The following CPLX4 variants were observed in gnomAD, a reference collection of about 807,000 sequenced individuals.
The protein encoded by CPLX4 is complexin 4, also known as complexin-4.
A neutral mutation model predicts 16.1 loss-of-function variants in CPLX4; 17 were observed. The observed-to-expected ratio is 1.06, with a 90% CI of 0.72 to 1.59. The LOEUF is 1.59. Among genes scored for constraint, CPLX4 ranks in the 40% most tolerant of loss-of-function variants. CPLX4 has a pLI of 0.00. For missense variants in CPLX4, 193 were observed against 192.9 expected, an observed-to-expected ratio of 1.00 and a Z score of 0.00; for synonymous variants, 55 against 57.8, an observed-to-expected ratio of 0.95 and a Z score of 0.22.
rs192953888 is a variant in CPLX4, at chr18:59,303,454, G to A, written c.256-6529C>T. Among the ~76,000 whole-genome samples, 242 of 152,272 alleles carry A rather than the reference G, an allele frequency of 1.6e-3. 1 individual carries two copies. Among genetic ancestry groups the A allele is most frequent in the Admixed American group, 2.6e-3 (39 of 15,288 alleles). ...CCTCTCACTTACAGAGGAGGAAAGT[G>A]AGGTCTCGAGAGGTAAAGATTCTTG... On this transcript the variant is annotated intron_variant, in intron 2 of 2. Transcript: ENST00000299721.
chr18:59,314,672 C>T (rs571812570), intron 1 of CPLX4, among the ~76,000 whole-genome samples: 7 of 152,158 alleles, frequency 4.6e-5, no homozygotes, highest in African/African-American at 7.2e-5. Flanking sequence ...AAGGCCTACC[C>T]CCTAGCCCTA....
chr18:59,296,667 G>T lies in CPLX4; in HGVS notation c.*31C>A. The T allele has an allele frequency of 6.2e-7, 1 of 1,605,924 alleles. No homozygotes were observed. Among genetic ancestry groups the T allele is most frequent in the South Asian group, 1.1e-5 (1 of 90,170 alleles). On this transcript the variant is annotated 3_prime_UTR_variant, in exon 3 of 3. Coordinates refer to ENST00000299721, the MANE Select transcript of CPLX4 (RefSeq NM_181654.4). The stretch of plus-strand genomic sequence containing the variant: ...AAGAGAGTGGTCTTTTCCAAGGATG[G>T]CTGGTTCCCTCCCTCCACCCCTCCC...
At chr18:59,315,683 T>A (rs2070646682) in intron 1 of CPLX4, among the ~76,000 whole-genome samples, 1 of 152,196 alleles carries the variant, frequency 6.6e-6, no homozygotes, top group Non-Finnish European at 1.5e-5. Flanking sequence ...TATGTTTACG[T>A]GTATGATGCA....
At chr18:59,313,154 ATC>A (rs1330546278) in intron 1 of CPLX4, among the ~76,000 whole-genome samples, 1 of 152,136 alleles carries the variant, frequency 6.6e-6, no homozygotes, top group Non-Finnish European at 1.5e-5. Flanking sequence ...CTGCATCAGA[ATC>A]TCTGGGTGCA....
At chr18:59,307,393 G>C (rs562206256) in intron 2 of CPLX4, among the ~76,000 whole-genome samples, 4 of 152,352 alleles carry the variant, frequency 2.6e-5, no homozygotes, top group African/African-American at 9.6e-5. Context: ...AAAGAACTTA[G>C]AAGGTTGGAG....
intron 2 of CPLX4, among the ~76,000 whole-genome samples, chr18:59,306,616 A>G (rs1367922742): frequency 1.3e-5 from 2 of 152,252 alleles, no homozygotes; most frequent in Non-Finnish European, 2.9e-5. Context: ...CCTGTCAGCA[A>G]TAGAGTGAAA....
intron 2 of CPLX4, among the ~76,000 whole-genome samples, chr18:59,298,848 C>T (rs1177126447): frequency 1.3e-5 from 2 of 152,228 alleles, no homozygotes; most frequent in African/African-American, 4.8e-5. Context: ...AGCTGCCTTT[C>T]CTCAGGGCTC....
intron 2 of CPLX4, among the ~76,000 whole-genome samples, chr18:59,300,498 T>C (rs541872646): frequency 6.6e-6 from 1 of 152,168 alleles, no homozygotes; most frequent in Non-Finnish European, 1.5e-5. Context: ...TATAATTCCA[T>C]TGGGGCATCG....
intron 2 of CPLX4, among the ~76,000 whole-genome samples, chr18:59,302,255 G>A (rs2070546836): frequency 6.6e-6 from 1 of 152,180 alleles, no homozygotes; most frequent in South Asian, 2.1e-4. Flanking sequence ...CTTGGGTTGG[G>A]GAGACCAGGA....
intron 2 of CPLX4, among the ~76,000 whole-genome samples, chr18:59,305,875 A>G (rs995855391): frequency 6.6e-6 from 1 of 152,238 alleles, no homozygotes; most frequent in African/African-American, 2.4e-5. Flanking sequence ...ATTTGCAGGC[A>G]GACAGAGAAA....
chr18:59,296,597 A>G lies in CPLX4; in HGVS notation c.*101T>C. 4 of 1,295,566 alleles carry G rather than the reference A, an allele frequency of 3.1e-6. No individual in the cohort carries two copies. Among genetic ancestry groups the G allele is most frequent in the Non-Finnish European group, 3.2e-6 (3 of 930,636 alleles). The allele number at this position is 1,295,566 out of a possible 1,614,324, so 80.3% of individuals were successfully genotyped here. On this transcript the variant is annotated 3_prime_UTR_variant, in exon 3 of 3. Coordinates refer to ENST00000299721, the MANE Select transcript of CPLX4 (RefSeq NM_181654.4). ...TCAATGGATCATCGTGGTTTTCCTA[A>G]CTGTGTTCACTACATTAAAACATGT...
At position 59,318,412 on chromosome 18, in the gene CPLX4, T is replaced by A. The variant is rs201557736; in HGVS notation, c.51A>T (p.Gly17=). The change falls in exon 1 of 3, where the codon GGA becomes GGT. Residue 17 remains glycine, a synonymous_variant. Transcript: ENST00000299721. The part of the protein sequence containing the change: ...SMISNQVKNL[G]FGGGSEENKE... ...TATTTTCTTCAGACCCACCACCAAA[T>A]CCTAAATTCTTTACCTGGTTACTTA... 4.2e-5 allele frequency: 67 copies of A among 1,613,552 alleles called. No individual in the cohort carries two copies. In the East Asian group the frequency reaches 1.4e-3, roughly 33 times the overall value.
chr18:59,308,971 G>C (rs2070597574), intron 2 of CPLX4, among the ~76,000 whole-genome samples: 2 of 152,194 alleles, frequency 1.3e-5, no homozygotes, highest in Non-Finnish European at 2.9e-5. Context: ...TGTTGCACTG[G>C]GGTAGGGGAA....
At chr18:59,314,697 G>A (rs971965263) in intron 1 of CPLX4, among the ~76,000 whole-genome samples, 3 of 152,076 alleles carry the variant, frequency 2.0e-5, no homozygotes, top group Non-Finnish European at 2.9e-5. Context: ...CAACCACCAC[G>A]CCTTTTCTAC....
intron 1 of CPLX4, among the ~76,000 whole-genome samples, chr18:59,317,329 A>T (rs927915435): frequency 6.6e-6 from 1 of 152,116 alleles, no homozygotes; most frequent in African/African-American, 2.4e-5. Flanking sequence ...TTTAACCTCT[A>T]GATTGATGTT....
At position 59,296,868 on chromosome 18, in the gene CPLX4, C is replaced by T. The variant is rs756554813; in HGVS notation, c.313G>A (p.Asp105Asn). Residue 105 changes from aspartate to asparagine, a missense_variant, in exon 3 of 3, where the codon GAT (aspartate) becomes AAT (asparagine). Asp to Asn is a conservative substitution (Grantham distance 23). Transcript: ENST00000299721. ...MAGDDVDLPE[D>N]LRKMVDEDQE... ...TCTTCATCTACCATTTTCCGGAGATCTTCAGGTAAATCCACATCATCTCCA... is the reference window on the plus strand; with the variant it reads ...TCTTCATCTACCATTTTCCGGAGATTTTCAGGTAAATCCACATCATCTCCA... 3 of 1,613,592 alleles carry T rather than the reference C, an allele frequency of 1.9e-6. No homozygotes were observed. In the African/African-American group the frequency reaches 4.0e-5, roughly 22 times the overall value.
rs114873586 is a variant in CPLX4, at chr18:59,317,183, T to A, written c.167+1113A>T. 7.2e-3 allele frequency among the ~76,000 whole-genome samples: 1,102 copies of A among 152,264 alleles called. 12 individuals carry two copies. The highest frequency in any genetic ancestry group is 0.026 in the African/African-American group (1,061 of 41,562). Reference sequence around the variant, plus strand: ...ACGTAGTCTTTGTACTTTCTTTGTTTCCTCCAGGTCATTAACCTTTTCACC... The same window carrying A: ...ACGTAGTCTTTGTACTTTCTTTGTTACCTCCAGGTCATTAACCTTTTCACC... On this transcript the variant is annotated intron_variant, in intron 1 of 2. Coordinates refer to ENST00000299721, the MANE Select transcript of CPLX4 (RefSeq NM_181654.4).
chr18:59,314,038 A>G (rs116019085), intron 1 of CPLX4, among the ~76,000 whole-genome samples: 265 of 152,354 alleles, frequency 1.7e-3, no homozygotes, highest in African/African-American at 6.1e-3. Flanking sequence ...CTGAGTGTTA[A>G]GGAAGGAGCT....
At chr18:59,314,507 T>A (rs1489374246) in intron 1 of CPLX4, among the ~76,000 whole-genome samples, 1 of 152,222 alleles carries the variant, frequency 6.6e-6, no homozygotes, top group Non-Finnish European at 1.5e-5. Flanking sequence ...TTTCTTCTTG[T>A]GAAGCAAAAT....
Sources: allele counts gnomAD v4.1 joint callset (sites outside exome capture counted in the v4.1 genomes callset), GRCh38; gene constraint gnomAD v4.1.1; transcripts MANE v1.5; gene names NCBI Gene and HGNC (gene_info 2026-07-23, HGNC 2026-07-21).